Variants in HS3ST5 observed in about 807,000 individuals in gnomAD.
HS3ST5 encodes the protein heparan sulfate glucosamine 3-O-sulfotransferase 5.
HS3ST5 carries 10 observed loss-of-function variants against 25.4 expected under a neutral mutation model. That is an observed-to-expected ratio of 0.39 (90% CI 0.24 to 0.67). The LOEUF (loss-of-function observed/expected upper bound fraction) is 0.67. HS3ST5 is among the 30% of genes least tolerant of loss of function. The pLI is 0.44. For missense variants in HS3ST5, 324 were observed against 420.7 expected (o/e 0.77, Z 2.01); for synonymous variants, 170 against 162.4 (o/e 1.05, Z -0.36).
intron 3 of HS3ST5, among the ~76,000 whole-genome samples, chr6:114,071,066 A>C (rs1257550189): frequency 6.6e-6 from 1 of 152,178 alleles, no homozygotes; most frequent in Non-Finnish European, 1.5e-5. Flanking sequence ...CTGTAACTCC[A>C]CATACCCTAC....
At chr6:114,160,473 C>A (rs1778894459) in intron 3 of HS3ST5, among the ~76,000 whole-genome samples, 1 of 152,048 alleles carries the variant, frequency 6.6e-6, no homozygotes, top group Admixed American at 6.6e-5. Context: ...CCCCCTCCCC[C>A]AACTACATTT....
At chr6:114,144,656 A>G (rs1318336263) in intron 3 of HS3ST5, among the ~76,000 whole-genome samples, 1 of 152,184 alleles carries the variant, frequency 6.6e-6, no homozygotes, top group Non-Finnish European at 1.5e-5. Flanking sequence ...TGTTTTAAAC[A>G]TATTTTAACC....
At chr6:114,306,278 C>CACACACAT (rs762706534) in intron 1 of HS3ST5, among the ~76,000 whole-genome samples, 3 of 141,546 alleles carry the variant, frequency 2.1e-5, no homozygotes, top group African/African-American at 7.8e-5. Context: ...CACACACACA[C>CACACACAT]ATATATATAT....
intron 1 of HS3ST5, among the ~76,000 whole-genome samples, chr6:114,310,487 CG>C (rs557023451): frequency 9.9e-5 from 15 of 151,604 alleles, no homozygotes; most frequent in East Asian, 5.8e-4. Flanking sequence ...ACTTCAAAAA[CG>C]TTTTTTTGTG....
intron 3 of HS3ST5, chr6:114,131,251 AG>A (rs1227346898): frequency 2.0e-5 from 3 of 152,178 alleles, no homozygotes; most frequent in South Asian, 4.1e-4. Context: ...GATTATCAAA[AG>A]GAAAAAAAAA....
chr6:114,301,420 T>G (rs900486732), intron 1 of HS3ST5, among the ~76,000 whole-genome samples: 14 of 152,196 alleles, frequency 9.2e-5, no homozygotes, highest in Non-Finnish European at 1.2e-4. Flanking sequence ...CAAACACTTG[T>G]TGTCTTAGCT....
chr6:114,226,810 T>C (rs1050425086), intron 2 of HS3ST5, among the ~76,000 whole-genome samples: 24 of 151,980 alleles, frequency 1.6e-4, no homozygotes, highest in African/African-American at 5.6e-4. Flanking sequence ...AATACACCAA[T>C]GATAATGAAC....
At chr6:114,281,659 T>C (rs1774118413) in intron 1 of HS3ST5, among the ~76,000 whole-genome samples, 1 of 151,996 alleles carries the variant, frequency 6.6e-6, no homozygotes, top group Non-Finnish European at 1.5e-5. Context: ...GTAGGACATA[T>C]TGCTGCTACC....
chr6:114,240,009 T>TAC (rs149926688), intron 1 of HS3ST5, among the ~76,000 whole-genome samples: 10,956 of 148,712 alleles, frequency 0.074, 518 homozygotes, highest in Admixed American at 0.19. Context: ...AGCACACACA[T>TAC]ACACACACAC....
At chr6:114,162,925 C>G (rs1779042360) in intron 3 of HS3ST5, among the ~76,000 whole-genome samples, 1 of 152,102 alleles carries the variant, frequency 6.6e-6, no homozygotes, top group African/African-American at 2.4e-5. Context: ...AATGGTTACC[C>G]TGCCTTTTCT....
At chr6:114,249,345 AC>A (rs1205908532) in intron 1 of HS3ST5, among the ~76,000 whole-genome samples, 1 of 152,162 alleles carries the variant, frequency 6.6e-6, no homozygotes, top group Non-Finnish European at 1.5e-5. Flanking sequence ...CTTTTACCTT[AC>A]TCAATCATGC....
At chr6:114,105,287 A>AAAATTTT in intron 3 of HS3ST5, among the ~76,000 whole-genome samples, 1 of 152,306 alleles carries the variant, frequency 6.6e-6, no homozygotes, top group Admixed American at 6.5e-5. Flanking sequence ...ATTTTAGCCA[A>AAAATTTT]AGCATGTTTC....
At chr6:114,161,577 A>AT (rs1778976527) in intron 3 of HS3ST5, among the ~76,000 whole-genome samples, 1 of 112,866 alleles carries the variant, frequency 8.9e-6, no homozygotes. Context: ...ATATATATAA[A>AT]ATGCAATGGC....
intron 2 of HS3ST5, among the ~76,000 whole-genome samples, chr6:114,185,963 T>G (rs2114262084): frequency 6.6e-6 from 1 of 152,194 alleles, no homozygotes; most frequent in South Asian, 2.1e-4. Context: ...TCTGTGATCT[T>G]TGATGTTACT....
At chr6:114,080,438 C>T (rs1774386658) in intron 3 of HS3ST5, among the ~76,000 whole-genome samples, 1 of 152,134 alleles carries the variant, frequency 6.6e-6, no homozygotes, top group African/African-American at 2.4e-5. Flanking sequence ...TTACTGAGTA[C>T]ATATCCAAAA....
At chr6:114,309,069 A>G (rs990166260) in intron 1 of HS3ST5, among the ~76,000 whole-genome samples, 5 of 152,312 alleles carry the variant, frequency 3.3e-5, no homozygotes, top group African/African-American at 1.2e-4. Context: ...TATAAAATAC[A>G]GAGTCACACT....
intron 3 of HS3ST5, among the ~76,000 whole-genome samples, chr6:114,134,409 A>G (rs1397264256): frequency 1.3e-5 from 2 of 152,178 alleles, no homozygotes; most frequent in Non-Finnish European, 2.9e-5. Flanking sequence ...CCTCTCCTCT[A>G]AAGAACTGTC....
intron 3 of HS3ST5, among the ~76,000 whole-genome samples, chr6:114,151,074 T>C (rs898763131): frequency 6.6e-6 from 1 of 152,238 alleles, no homozygotes; most frequent in Non-Finnish European, 1.5e-5. Flanking sequence ...ATTCAAAAGA[T>C]GGCTGACTCT....
At chr6:114,323,788 G>T (rs1024524177) in intron 1 of HS3ST5, among the ~76,000 whole-genome samples, 1 of 152,120 alleles carries the variant, frequency 6.6e-6, no homozygotes, top group African/African-American at 2.4e-5. Context: ...GGGGTATAAA[G>T]CTATAGAGTA....
Sources: gnomAD v4.1 joint callset for allele counts (sites outside exome capture counted in the v4.1 genomes callset) on GRCh38, gnomAD v4.1.1 for gene constraint, MANE v1.5 for transcripts, NCBI Gene and HGNC (gene_info 2026-07-23, HGNC 2026-07-21) for gene names.